Variants in AK8 observed in about 807,000 individuals in gnomAD.
AK8 encodes the protein adenylate kinase 8.
AK8 carries 44 observed loss-of-function variants against 54.6 expected under a neutral mutation model. The observed-to-expected ratio is 0.81, with a 90% CI of 0.63 to 1.04. The LOEUF is 1.04. AK8 is among the 50% of genes least tolerant of loss of function. The pLI is 0.00. For missense variants in AK8, 555 were observed against 613.6 expected, an observed-to-expected ratio of 0.90 and a Z score of 1.01; for synonymous variants, 239 against 245.6, an observed-to-expected ratio of 0.97 and a Z score of 0.25.
intron 11 of AK8, among the ~76,000 whole-genome samples, chr9:132,777,065 A>G (rs972114310): frequency 3.3e-5 from 5 of 152,062 alleles, no homozygotes; most frequent in African/African-American, 1.2e-4. Flanking sequence ...CACCTGGTGG[A>G]TAAGGAACTG....
chr9:132,753,972 C>G (rs1390007258), intron 11 of AK8, among the ~76,000 whole-genome samples: 4 of 152,244 alleles, frequency 2.6e-5, no homozygotes, highest in African/African-American at 9.6e-5. Context: ...GCGCAACTCA[C>G]AGAGGGCACT....
Position 132,878,266 on chromosome 9 carries a change from C to G in AK8, c.-11G>C, listed in dbSNP as rs1387539107. On this transcript the variant is annotated 5_prime_UTR_variant, in exon 1 of 13. Transcript: ENST00000298545. This position sits in a 1 kb window ranked among gnomAD's most constrained non-coding sequence, Gnocchi z 4.7. ...GATAGTGGCGTCCATGTAGCCGTCT[C>G]GGCTCGCCGCTCCCTAGTAACCGCG... 2 of 1,352,272 alleles carry G rather than the reference C, an allele frequency of 1.5e-6. No homozygotes were observed. The highest frequency in any genetic ancestry group is 2.8e-5 in the East Asian group (1 of 36,114). The allele number at this position is 1,352,272 out of a possible 1,614,324, so 83.8% of individuals were successfully genotyped here.
chr9:132,754,965 A>G (rs1345226014), intron 11 of AK8, among the ~76,000 whole-genome samples: 1 of 151,784 alleles, frequency 6.6e-6, no homozygotes, highest in African/African-American at 2.4e-5. Context: ...ACGCCAGGCT[A>G]ATTTTGTATT....
intron 5 of AK8, among the ~76,000 whole-genome samples, chr9:132,852,143 G>A (rs2131375679): frequency 6.6e-6 from 1 of 152,292 alleles, no homozygotes; most frequent in South Asian, 2.1e-4. Context: ...CCTGACAATA[G>A]TTCAATACAA....
chr9:132,876,711 A>C (rs1844117112), intron 1 of AK8, among the ~76,000 whole-genome samples: 1 of 152,172 alleles, frequency 6.6e-6, no homozygotes, highest in Non-Finnish European at 1.5e-5. Context: ...TGTGAATCTA[A>C]CATTATTTTA....
chr9:132,740,421 G>A (rs1837315669), intron 11 of AK8, among the ~76,000 whole-genome samples: 1 of 152,148 alleles, frequency 6.6e-6, no homozygotes, highest in Admixed American at 6.5e-5. Flanking sequence ...TCCCAAGTTC[G>A]TGCCCATAAC....
intron 11 of AK8, among the ~76,000 whole-genome samples, chr9:132,784,223 A>C (rs933058070): frequency 6.6e-6 from 1 of 152,152 alleles, no homozygotes; most frequent in Non-Finnish European, 1.5e-5. Flanking sequence ...CCCAGGCAAA[A>C]GAAACACATC....
intron 11 of AK8, 97 bp from the exon 12 acceptor site, chr9:132,727,631 C>G: frequency 3.3e-6 from 4 of 1,195,916 alleles, no homozygotes; most frequent in Non-Finnish European, 4.8e-6. Flanking sequence ...AGAGACTGCT[C>G]CTCCCAGGGC....
intron 5 of AK8, among the ~76,000 whole-genome samples, chr9:132,835,638 C>A (rs1275090702): frequency 6.6e-6 from 1 of 152,180 alleles, no homozygotes; most frequent in African/African-American, 2.4e-5. Context: ...TTCTCCTCTG[C>A]ACAATGTGAA....
At chr9:132,815,277 T>A (rs1314932316) in intron 9 of AK8, among the ~76,000 whole-genome samples, 1 of 152,166 alleles carries the variant, frequency 6.6e-6, no homozygotes, top group Non-Finnish European at 1.5e-5. Flanking sequence ...GGCTGACTCA[T>A]CATTAAAGGG....
At chr9:132,805,932 T>G (rs963988384) in intron 10 of AK8, among the ~76,000 whole-genome samples, 1 of 151,914 alleles carries the variant, frequency 6.6e-6, no homozygotes, top group African/African-American at 2.4e-5. Context: ...TCCTTTAAAA[T>G]GCATAAATTA....
At chr9:132,776,613 G>A (rs1382437221) in intron 11 of AK8, among the ~76,000 whole-genome samples, 1 of 152,204 alleles carries the variant, frequency 6.6e-6, no homozygotes, top group African/African-American at 2.4e-5. Flanking sequence ...CTGCGGGGCC[G>A]CCACGCTGCA....
In AK8 at chr9:132,783,415, T is replaced by C. The variant is rs1301243043; in HGVS notation, c.1121+9219A>G. Among the ~76,000 whole-genome samples the C allele has an allele frequency of 2.6e-5, 4 of 152,260 alleles. No individual in the cohort carries two copies. The East Asian group carries it at 7.7e-4, about 29-fold the overall frequency. ...GTGTTGTTTTAAGCCACCAAGTCAG[T>C]GGTAATTTATGATGGCAATATAGGT... On this transcript the variant is annotated intron_variant, in intron 11 of 12. Coordinates refer to ENST00000298545, the MANE Select transcript of AK8 (RefSeq NM_152572.3).
intron 11 of AK8, among the ~76,000 whole-genome samples, chr9:132,762,090 G>A (rs187827420): frequency 4.7e-4 from 71 of 152,144 alleles, no homozygotes; most frequent in Non-Finnish European, 1.6e-4. Flanking sequence ...GGCTGGTCTC[G>A]AACTCCTGGC....
At chr9:132,804,340 G>C (rs959487995) in intron 10 of AK8, among the ~76,000 whole-genome samples, 1 of 152,130 alleles carries the variant, frequency 6.6e-6, no homozygotes, top group East Asian at 1.9e-4. Flanking sequence ...GCAGCCGGCC[G>C]AGCAGACAGC....
At position 132,826,447 on chromosome 9, in the gene AK8, G is replaced by T. The variant is rs1191324781; in HGVS notation, c.757+407C>A. Among the ~76,000 whole-genome samples, 2 of 152,170 alleles carry T rather than the reference G, an allele frequency of 1.3e-5. No individual in the cohort carries two copies. Among genetic ancestry groups the T allele is most frequent in the African/African-American group, 4.8e-5 (2 of 41,444 alleles). ...CTGTGCTGTGTGTGTGTGTTTTATT[G>T]TGTTGTGTGTGGTGGTGGTGGTTTT... On this transcript the variant is annotated intron_variant, in intron 8 of 12. Transcript: ENST00000298545. The surrounding 1 kb of genome is among the most constrained non-coding windows in gnomAD (Gnocchi z 4.5).
chr9:132,846,504 GATGAATGAATGAATGAATGAATGA>G lies in AK8; in HGVS notation c.402+8329_402+8352del, dbSNP rs56358230. Reference sequence around the variant, plus strand: ...AAGTGATTTGTTGCATGAGAGAATAGATGAATGAATGAATGAATGAATGAATGAATGAATGAATGAATGAATGAG... The same window carrying G: ...AAGTGATTTGTTGCATGAGAGAATAGATGAATGAATGAATGAATGAATGAG... On this transcript the variant is annotated intron_variant, in intron 5 of 12. Coordinates refer to ENST00000298545, the MANE Select transcript of AK8 (RefSeq NM_152572.3). Among the ~76,000 whole-genome samples, 32 of 150,990 alleles carry G rather than the reference GATGAATGAATGAATGAATGAATGA, an allele frequency of 2.1e-4. 1 individual carries two copies. Among genetic ancestry groups the G allele is most frequent in the Admixed American group, 4.6e-4 (7 of 15,146 alleles).
intron 7 of AK8, 73 bp downstream of exon 7, chr9:132,827,940 A>T (rs1841940712): frequency 4.1e-6 from 6 of 1,463,822 alleles, no homozygotes; most frequent in African/African-American, 1.4e-5. Flanking sequence ...GAGGTCAGGA[A>T]ATGGTAGACG....
At chr9:132,760,040 G>A (rs144348236) in intron 11 of AK8, among the ~76,000 whole-genome samples, 6 of 152,140 alleles carry the variant, frequency 3.9e-5, no homozygotes, top group African/African-American at 9.6e-5. Context: ...TAATATTAGC[G>A]TCCCTAACCA....
Sources: allele counts gnomAD v4.1 joint callset (sites outside exome capture counted in the v4.1 genomes callset), GRCh38; gene constraint gnomAD v4.1.1; non-coding constraint Gnocchi (gnomAD v3.1); transcripts MANE v1.5; gene names NCBI Gene and HGNC (gene_info 2026-07-23, HGNC 2026-07-21).